Variants in NLGN1 observed in about 807,000 individuals in gnomAD.
NLGN1 encodes neuroligin-1.
NLGN1 carries 12 observed loss-of-function variants against 65.5 expected under a neutral mutation model. The observed-to-expected ratio is 0.18, with a 90% confidence interval of 0.12 to 0.30. The LOEUF (loss-of-function observed/expected upper bound fraction) is 0.30, where lower values mean the gene tolerates loss of function less well. Among genes scored for constraint, NLGN1 ranks in the 10% least tolerant of loss-of-function variants. NLGN1 has a pLI of 1.00. For synonymous variants in NLGN1, 350 were observed against 359.5 expected (o/e 0.97, Z 0.30); for missense variants, 750 against 1,007.1 (o/e 0.74, Z 3.46).
intron 4 of NLGN1, among the ~76,000 whole-genome samples, chr3:174,080,867 G>T (rs191464534): frequency 1.3e-5 from 2 of 151,264 alleles, no homozygotes; most frequent in Non-Finnish European, 2.9e-5. Context: ...ATTTTAGAGA[G>T]ACAGTTAACA....
At chr3:173,858,648 T>A (rs772913460) in intron 4 of NLGN1, among the ~76,000 whole-genome samples, 1 of 152,118 alleles carries the variant, frequency 6.6e-6, no homozygotes, top group Non-Finnish European at 1.5e-5. Context: ...GTGTGGATGG[T>A]TTCTATGATA....
At chr3:174,289,294 C>T (rs968627577), downstream of NLGN1, among the ~76,000 whole-genome samples, 3 of 151,262 alleles carry the variant, frequency 2.0e-5, no homozygotes, top group African/African-American at 7.3e-5. Context: ...TTCACTAATT[C>T]GTTGTTTAAA....
chr3:173,968,687 C>CT (rs34662762), intron 4 of NLGN1, among the ~76,000 whole-genome samples: 1,776 of 59,508 alleles, frequency 0.03, 375 homozygotes, highest in East Asian at 0.097. Flanking sequence ...TGAAAATAAT[C>CT]TTTTTTTTTT....
At chr3:174,177,501 A>G (rs1384109475) in intron 4 of NLGN1, among the ~76,000 whole-genome samples, 5 of 152,048 alleles carry the variant, frequency 3.3e-5, no homozygotes, top group African/African-American at 1.2e-4. Context: ...TACATTAAGT[A>G]TATATTACAT....
intron 4 of NLGN1, among the ~76,000 whole-genome samples, chr3:173,847,197 T>A (rs1387255545): frequency 6.6e-6 from 1 of 152,166 alleles, no homozygotes; most frequent in Non-Finnish European, 1.5e-5. Context: ...TTAAATATAT[T>A]CTTGCCTTAA....
intron 2 of NLGN1, among the ~76,000 whole-genome samples, chr3:173,438,689 C>A (rs1718596379): frequency 6.6e-6 from 1 of 152,026 alleles, no homozygotes; most frequent in Non-Finnish European, 1.5e-5. Flanking sequence ...CATTAATAGT[C>A]TCTCACACGT....
Position 173,478,570 on chromosome 3 carries a change from T to A in NLGN1, c.-321+43492T>A, listed in dbSNP as rs181149068. On this transcript the variant is annotated intron_variant, in intron 2 of 6. Transcript: ENST00000457714. The stretch of plus-strand genomic sequence containing the variant: ...AACTTAAAAATAAAAATTAAAAAAA[T>A]TTTTTACAATGAACAATGTCATGTA... Among the ~76,000 whole-genome samples, 16 of 152,200 alleles carry A rather than the reference T, an allele frequency of 1.1e-4. 1 individual carries two copies. The highest frequency in any genetic ancestry group is 5.8e-4 in the East Asian group (3 of 5,182).
chr3:173,470,330 T>C (rs974126215), intron 2 of NLGN1, among the ~76,000 whole-genome samples: 4 of 147,096 alleles, frequency 2.7e-5, no homozygotes, highest in African/African-American at 7.6e-5. Context: ...TGCTAGTGAC[T>C]GCCATCATAT....
intron 3 of NLGN1, among the ~76,000 whole-genome samples, chr3:173,607,939 A>G (rs1229426467): frequency 6.6e-6 from 1 of 151,732 alleles, no homozygotes; most frequent in African/African-American, 2.4e-5. Flanking sequence ...ATGGACTCCC[A>G]TCCCTGAGCC....
At chr3:174,216,446 G>A (rs1443055054) in intron 4 of NLGN1, among the ~76,000 whole-genome samples, 1 of 152,032 alleles carries the variant, frequency 6.6e-6, no homozygotes, top group East Asian at 1.9e-4. Context: ...CACATACTAT[G>A]TACCATCAAC....
rs1158695978 is a variant in NLGN1 at position 173,498,467 on chromosome 3, G to T, written c.-321+63389G>T. Among the ~76,000 whole-genome samples the T allele has an allele frequency of 2.0e-5, 3 of 151,716 alleles. No individual in the cohort carries two copies. The East Asian group carries it at 5.8e-4, about 29-fold the overall frequency. On this transcript the variant is annotated intron_variant, in intron 2 of 6. Transcript: ENST00000457714. ...CCAGTCTATCATTGTTGGACATTTG[G>T]GTTGGTTCCAAGTCTTTACTATTGT...
chr3:173,449,954 GTC>G (rs1456538662), intron 2 of NLGN1, among the ~76,000 whole-genome samples: 1 of 152,114 alleles, frequency 6.6e-6, no homozygotes, highest in Non-Finnish European at 1.5e-5. Flanking sequence ...GCCTGTGTGT[GTC>G]TCTGCACATG....
intron 3 of NLGN1, among the ~76,000 whole-genome samples, chr3:173,687,158 G>A (rs1470741043): frequency 6.6e-6 from 1 of 152,066 alleles, no homozygotes; most frequent in Non-Finnish European, 1.5e-5. Context: ...CTTAAATTCT[G>A]GACTTAACCC....
chr3:173,650,945 T>C (rs1310714890), intron 3 of NLGN1, among the ~76,000 whole-genome samples: 4 of 152,000 alleles, frequency 2.6e-5, no homozygotes, highest in Non-Finnish European at 1.5e-5. Context: ...TTATTATTTG[T>C]ATAAATTTAA....
At chr3:173,989,545 C>A (rs1461130607) in intron 4 of NLGN1, among the ~76,000 whole-genome samples, 2 of 152,142 alleles carry the variant, frequency 1.3e-5, no homozygotes, top group African/African-American at 4.8e-5. Context: ...ATAGTCCAAT[C>A]TAGGAGTCTC....
chr3:173,642,645 C>G (rs1410995328), intron 3 of NLGN1, among the ~76,000 whole-genome samples: 10 of 152,178 alleles, frequency 6.6e-5, no homozygotes, highest in African/African-American at 2.4e-4. Context: ...AGATCTAGTG[C>G]TGCCCTGTAC....
intron 4 of NLGN1, among the ~76,000 whole-genome samples, chr3:173,816,335 A>G (rs1460354023): frequency 6.6e-6 from 1 of 152,186 alleles, no homozygotes; most frequent in Non-Finnish European, 1.5e-5. Context: ...AGATTTCATA[A>G]ATGCAGAAAC....
At chr3:173,442,588 A>T (rs1270955735) in intron 2 of NLGN1, among the ~76,000 whole-genome samples, 2 of 152,288 alleles carry the variant, frequency 1.3e-5, no homozygotes, top group Admixed American at 6.5e-5. Context: ...ATTTTACACT[A>T]GTTTTCTTGT....
chr3:173,695,884 C>T (rs1222971507), intron 3 of NLGN1, among the ~76,000 whole-genome samples: 1 of 152,214 alleles, frequency 6.6e-6, no homozygotes, highest in African/African-American at 2.4e-5. Context: ...TATCATGGCT[C>T]ACTGCAGCCT....
Sources: gnomAD v4.1 joint callset for allele counts (sites outside exome capture counted in the v4.1 genomes callset) on GRCh38, gnomAD v4.1.1 for gene constraint, MANE v1.5 for transcripts, NCBI Gene and HGNC (gene_info 2026-07-23, HGNC 2026-07-21) for gene names.